KCNAB2: variants seen among roughly 807,000 people sequenced by gnomAD.
The protein encoded by KCNAB2 is potassium voltage-gated channel subfamily A regulatory beta subunit 2, also known as voltage-gated potassium channel subunit beta-2.
Under a neutral mutation model 63.6 loss-of-function variants are expected in KCNAB2, and 29 were observed. The ratio of observed to expected loss-of-function variants is 0.46; its 90% CI spans 0.34 to 0.62. The LOEUF is 0.62. Among genes scored for constraint, KCNAB2 ranks in the 20% least tolerant of loss-of-function variants. The pLI is 0.01. For missense variants in KCNAB2, 359 were observed against 563.9 expected, an observed-to-expected ratio of 0.64 and a Z score of 3.68; for synonymous variants, 222 against 224.2, an observed-to-expected ratio of 0.99 and a Z score of 0.09.
chr1:6,009,433 A>G (rs978361370), intron 1 of KCNAB2, among the ~76,000 whole-genome samples: 1 of 152,180 alleles, frequency 6.6e-6, no homozygotes, highest in Non-Finnish European at 1.5e-5. Flanking sequence ...GTGTATGCAC[A>G]CACCTGCACA....
At chr1:6,049,459 G>A (rs911754335) in intron 1 of KCNAB2, among the ~76,000 whole-genome samples, 5 of 152,220 alleles carry the variant, frequency 3.3e-5, no homozygotes, top group Admixed American at 1.3e-4. Flanking sequence ...AGAGGCACAT[G>A]GTGTGGTTTG....
In KCNAB2 at chr1:6,073,727, T is replaced by C. The variant is rs770625881; in HGVS notation, c.263-6T>C. ...TCCTAACTTGAGCCCCTGTGTCTCC[T>C]TCCAGGAACATGGGTGACCTTCGGA... On this transcript the variant is annotated splice_region_variant and splice_polypyrimidine_tract_variant and intron_variant, in intron 3 of 15. Transcript: ENST00000378083. The surrounding 1 kb of genome is among the most constrained non-coding windows in gnomAD (Gnocchi z 5.7). 7 of 1,614,040 alleles carry C rather than the reference T, an allele frequency of 4.3e-6. No individual in the cohort carries two copies. In the South Asian group the frequency reaches 4.4e-5, roughly 10 times the overall value.
chr1:5,992,991 C>T (rs1256306807), intron 1 of KCNAB2, among the ~76,000 whole-genome samples: 1 of 152,012 alleles, frequency 6.6e-6, no homozygotes, highest in East Asian at 1.9e-4. Context: ...GTCTCCCTTC[C>T]CCCATCCCTT....
intron 2 of KCNAB2, among the ~76,000 whole-genome samples, chr1:6,055,075 C>A (rs566446588): frequency 6.6e-6 from 1 of 152,186 alleles, no homozygotes; most frequent in Non-Finnish European, 1.5e-5. Flanking sequence ...AAGGACACCT[C>A]ATGAGGGTGT....
At chr1:6,089,143 A>C in intron 8 of KCNAB2, 92 bp downstream of exon 8, 1 of 1,355,638 alleles carries the variant, frequency 7.4e-7, no homozygotes, top group Non-Finnish European at 1.0e-6. Flanking sequence ...CGACCCCCCC[A>C]GTTAACCCAC....
Position 6,087,717 on chromosome 1 carries a change from G to A in KCNAB2, c.470+206G>A, listed in dbSNP as rs911965804. ...CAGGGGCAGAGCTGGTGTTTCTGCA[G>A]CCATCAGCTATGCCTGGTGCCTGTC... On this transcript the variant is annotated intron_variant, in intron 7 of 15. Coordinates refer to ENST00000378083, the MANE Select transcript of KCNAB2 (RefSeq NM_001199862.2). This position sits in a 1 kb window ranked among gnomAD's most constrained non-coding sequence, Gnocchi z 6.4. Among the ~76,000 whole-genome samples the A allele has an allele frequency of 1.3e-5, 2 of 152,242 alleles. No individual in the cohort carries two copies. Among genetic ancestry groups the A allele is most frequent in the African/African-American group, 4.8e-5 (2 of 41,472 alleles).
chr1:6,092,419 T>G (rs1665264962), intron 10 of KCNAB2, among the ~76,000 whole-genome samples: 1 of 152,242 alleles, frequency 6.6e-6, no homozygotes, highest in Non-Finnish European at 1.5e-5. Context: ...GCATGCGGTT[T>G]CACTGGCTGG....
At chr1:6,092,835 G>A (rs1665302325) in intron 10 of KCNAB2, among the ~76,000 whole-genome samples, 1 of 152,246 alleles carries the variant, frequency 6.6e-6, no homozygotes, top group Non-Finnish European at 1.5e-5. Flanking sequence ...TCTGACCTTG[G>A]AAGTAAGCAG....
At chr1:6,083,570 C>T (rs1352936153) in intron 5 of KCNAB2, among the ~76,000 whole-genome samples, 1 of 152,214 alleles carries the variant, frequency 6.6e-6, no homozygotes, top group Non-Finnish European at 1.5e-5. Flanking sequence ...CCTCAGGTCG[C>T]CGTTTCTGTG....
At chr1:6,059,109 T>C (rs1020073022) in intron 2 of KCNAB2, among the ~76,000 whole-genome samples, 6 of 152,120 alleles carry the variant, frequency 3.9e-5, no homozygotes, top group Admixed American at 2.0e-4. Flanking sequence ...GTGGTTGCCT[T>C]GTAACCGACT....
rs1342876251 is a variant in KCNAB2 at position 6,095,201 on chromosome 1, C to T, written c.733-122C>T. ...CTATGAGTGTGAGCAGTGGGGAGCC[C>T]GGGCTGCAGCTGCTGGGCCAGCCTG... On this transcript the variant is annotated intron_variant, in intron 11 of 15. Coordinates refer to ENST00000378083, the MANE Select transcript of KCNAB2 (RefSeq NM_001199862.2). 7 of 1,042,474 alleles carry T rather than the reference C, an allele frequency of 6.7e-6. 1 individual carries two copies. Among genetic ancestry groups the T allele is most frequent in the South Asian group, 4.6e-5 (3 of 65,558 alleles). 64.6% of individuals were successfully genotyped at this position (1,042,474 alleles called of 1,614,324 possible).
intron 2 of KCNAB2, chr1:6,040,686 A>G: frequency 2.3e-6 from 3 of 1,330,220 alleles, no homozygotes; most frequent in Non-Finnish European, 3.2e-6. Context: ...TCCCAGGGTC[A>G]GTCCTGCTTC....
upstream of KCNAB2, among the ~76,000 whole-genome samples, chr1:6,042,545 G>T (rs1660580029): frequency 1.3e-5 from 2 of 152,170 alleles, no homozygotes; most frequent in African/African-American, 4.8e-5. Context: ...GTAAGGCAGG[G>T]GATGCATGTT....
At chr1:6,000,949 A>T (rs1042406126) in intron 1 of KCNAB2, among the ~76,000 whole-genome samples, 1 of 152,180 alleles carries the variant, frequency 6.6e-6, no homozygotes, top group Non-Finnish European at 1.5e-5. Context: ...CCACCAAAGC[A>T]TCACACCAAA....
At chr1:6,097,483 T>G (rs1247545862) in intron 15 of KCNAB2, 126 bp downstream of exon 15, 2 of 1,501,350 alleles carry the variant, frequency 1.3e-6, no homozygotes, top group Non-Finnish European at 1.8e-6. Context: ...CCGTGAACCA[T>G]CAGAGTTGTG....
intron 7 of KCNAB2, among the ~76,000 whole-genome samples, chr1:6,088,568 A>G (rs1204340325): frequency 6.6e-6 from 1 of 151,808 alleles, no homozygotes; most frequent in Non-Finnish European, 1.5e-5. Flanking sequence ...CTTTTTTAAG[A>G]TATGGGGTCT....
chr1:6,084,640 AC>A (rs1375670441), intron 5 of KCNAB2, among the ~76,000 whole-genome samples: 8 of 151,948 alleles, frequency 5.3e-5, no homozygotes, highest in Non-Finnish European at 4.4e-5. Flanking sequence ...ACATAGTGAA[AC>A]CCCGTCTCTA....
rs1404419558 is a variant in KCNAB2 at position 6,073,311 on chromosome 1, C to A, written c.263-422C>A. On this transcript the variant is annotated intron_variant, in intron 3 of 15. Coordinates refer to ENST00000378083, the MANE Select transcript of KCNAB2 (RefSeq NM_001199862.2). The surrounding 1 kb of genome is among the most constrained non-coding windows in gnomAD (Gnocchi z 5.7). The stretch of plus-strand genomic sequence containing the variant: ...GCAGTACACACACCCCGCCCCCCAC[C>A]AGCACCCACTGCCCTGACACCGCCC... Among the ~76,000 whole-genome samples, 4 of 151,914 alleles carry A rather than the reference C, an allele frequency of 2.6e-5. No individual in the cohort carries two copies. Among genetic ancestry groups the A allele is most frequent in the African/African-American group, 4.8e-5 (2 of 41,284 alleles).
chr1:6,059,704 A>T (rs1662145498), intron 2 of KCNAB2, among the ~76,000 whole-genome samples: 1 of 152,166 alleles, frequency 6.6e-6, no homozygotes, highest in South Asian at 2.1e-4. Flanking sequence ...GTTGCATGGG[A>T]AACAGCAGCA....
Sources: gnomAD v4.1 joint callset for allele counts (sites outside exome capture counted in the v4.1 genomes callset) on GRCh38, gnomAD v4.1.1 for gene constraint, Gnocchi (gnomAD v3.1) non-coding constraint, MANE v1.5 for transcripts, NCBI Gene and HGNC (gene_info 2026-07-23, HGNC 2026-07-21) for gene names.